ERP44: variants seen among roughly 807,000 people sequenced by gnomAD.
ERP44 encodes the protein endoplasmic reticulum resident protein 44.
Under a neutral mutation model 53.4 loss-of-function variants are expected in ERP44, and 25 were observed. That is an observed-to-expected ratio of 0.47 (90% confidence interval 0.34 to 0.65). The LOEUF is 0.65. Among genes scored for constraint, ERP44 ranks in the 30% least tolerant of loss-of-function variants. The probability of loss-of-function intolerance (pLI) is 0.01; values close to 1 mark genes in which losing one functional copy is unlikely to be tolerated. For missense variants in ERP44, 338 were observed against 493.2 expected (o/e 0.69, Z 2.98); for synonymous variants, 145 against 161.2 (o/e 0.90, Z 0.76).
intron 10 of ERP44, among the ~76,000 whole-genome samples, chr9:100,004,097 AGT>A (rs1212173203): frequency 3.3e-5 from 5 of 151,462 alleles, no homozygotes; most frequent in African/African-American, 1.2e-4. Context: ...AGAGCTTAGG[AGT>A]CTGGCTAGAG....
At chr9:99,997,763 T>G (rs1348774299) in intron 10 of ERP44, among the ~76,000 whole-genome samples, 1 of 152,082 alleles carries the variant, frequency 6.6e-6, no homozygotes, top group Non-Finnish European at 1.5e-5. Flanking sequence ...TTATACAGTG[T>G]GAACTGTTGA....
At chr9:100,056,191 C>A (rs903778587) in intron 3 of ERP44, among the ~76,000 whole-genome samples, 1 of 152,154 alleles carries the variant, frequency 6.6e-6, no homozygotes, top group Non-Finnish European at 1.5e-5. Flanking sequence ...GTACTTCAAT[C>A]CCCTGGATCT....
chr9:100,079,413 TAC>T (rs58110423), intron 1 of ERP44, among the ~76,000 whole-genome samples: 19,570 of 137,050 alleles, frequency 0.14, 1,316 homozygotes, highest in Middle Eastern at 0.2. Context: ...AACTCCCCTT[TAC>T]ACACACACAC....
intron 4 of ERP44, among the ~76,000 whole-genome samples, chr9:100,026,142 A>G (rs1342042334): frequency 6.6e-6 from 1 of 152,216 alleles, no homozygotes; most frequent in Non-Finnish European, 1.5e-5. Flanking sequence ...TGAGAATTAT[A>G]CCTGCATAGG....
chr9:99,992,887 A>C (rs12684341), intron 10 of ERP44, among the ~76,000 whole-genome samples: 40,481 of 152,094 alleles, frequency 0.27, 5,652 homozygotes, highest in South Asian at 0.37. Context: ...ACAGCCAGCC[A>C]AATCATGAGT....
intron 10 of ERP44, among the ~76,000 whole-genome samples, chr9:99,992,122 A>G (rs958411883): frequency 1.3e-5 from 2 of 152,210 alleles, no homozygotes; most frequent in Middle Eastern, 3.2e-3. Flanking sequence ...TTCTGAAACT[A>G]TTCCAATCAA....
intron 1 of ERP44, among the ~76,000 whole-genome samples, chr9:100,066,762 TAAGAG>T (rs1270735610): frequency 6.6e-6 from 1 of 152,172 alleles, no homozygotes; most frequent in Non-Finnish European, 1.5e-5. Flanking sequence ...AGCTCGCAGA[TAAGAG>T]AAGTATAAAG....
chr9:100,057,608 A>T (rs1197222592), intron 3 of ERP44, among the ~76,000 whole-genome samples: 1 of 152,226 alleles, frequency 6.6e-6, no homozygotes, highest in East Asian at 1.9e-4. Context: ...ACTTGTTTTA[A>T]GATATAAGAT....
rs544427282 is a variant in ERP44 at position 99,987,756 on chromosome 9, A to ATTATAATTCTTATAATTC, written c.1017-2688_1017-2687insGAATTATAAGAATTATAA. Among the ~76,000 whole-genome samples, 494 of 152,232 alleles carry ATTATAATTCTTATAATTC rather than the reference A, an allele frequency of 3.2e-3. 2 individuals carry two copies. The highest frequency in any genetic ancestry group is 0.011 in the African/African-American group (465 of 41,516). On this transcript the variant is annotated intron_variant, in intron 10 of 11. Transcript: ENST00000262455. Reference sequence around the variant, plus strand: ...TTTCTAGAAAATCATACAACATGTAATTATAAGAATGGCTTTTTTTTTTCA... The same window carrying ATTATAATTCTTATAATTC: ...TTTCTAGAAAATCATACAACATGTAATTATAATTCTTATAATTCTTATAAGAATGGCTTTTTTTTTTCA...
chr9:100,071,887 C>A (rs1424261019), intron 1 of ERP44, among the ~76,000 whole-genome samples: 2 of 152,140 alleles, frequency 1.3e-5, no homozygotes, highest in Admixed American at 6.5e-5. Flanking sequence ...CGCCATTGCA[C>A]TCTAGCCTGG....
At chr9:100,060,309 C>T (rs555829916) in intron 1 of ERP44, 137 bp from the exon 2 acceptor site, 162 of 986,598 alleles carry the variant, frequency 1.6e-4, no homozygotes, top group Middle Eastern at 7.2e-4. Flanking sequence ...TCTTTATTAT[C>T]TAGTCTAATC....
chr9:99,982,596 A>C lies in ERP44; in HGVS notation c.*16T>G. On this transcript the variant is annotated 3_prime_UTR_variant, in exon 12 of 12. Transcript: ENST00000262455. ...GATGCTGCTGTTGAAAGGCTTACAA[A>C]CTGTTTTTCAAGTTTTTAAAGCTCA... is the stretch of plus-strand genomic sequence containing the variant. 7.1e-7 allele frequency: 1 copy of C among 1,402,500 alleles called. No individual in the cohort carries two copies. The highest frequency in any genetic ancestry group is 9.7e-7 in the Non-Finnish European group (1 of 1,035,522). The allele number at this position is 1,402,500 out of a possible 1,614,324, so 86.9% of individuals were successfully genotyped here. A position where few individuals can be genotyped will look rare whatever the true frequency, so the allele number is the denominator to read the frequency against.
chr9:100,072,192 C>T (rs977150712), intron 1 of ERP44, among the ~76,000 whole-genome samples: 2 of 152,136 alleles, frequency 1.3e-5, no homozygotes, highest in African/African-American at 4.8e-5. Context: ...TTAAGGGTCA[C>T]TAAGGTTGAT....
intron 1 of ERP44, among the ~76,000 whole-genome samples, chr9:100,090,266 T>C (rs1826537021): frequency 6.6e-6 from 1 of 152,222 alleles, no homozygotes; most frequent in Admixed American, 6.5e-5. Flanking sequence ...TTTACTGTAC[T>C]TGGGCCAGAA....
At chr9:100,056,643 T>G (rs1826090731) in intron 3 of ERP44, among the ~76,000 whole-genome samples, 1 of 152,008 alleles carries the variant, frequency 6.6e-6, no homozygotes, top group Non-Finnish European at 1.5e-5. Context: ...CTGAAGAAAA[T>G]GGCATCTAAT....
chr9:100,002,568 C>T (rs1298240892), intron 10 of ERP44, among the ~76,000 whole-genome samples: 1 of 152,150 alleles, frequency 6.6e-6, no homozygotes, highest in Admixed American at 6.5e-5. Flanking sequence ...TCCTTAAAGA[C>T]TTTGAACATA....
chr9:100,050,895 G>C (rs2118705282), intron 4 of ERP44, among the ~76,000 whole-genome samples: 1 of 152,290 alleles, frequency 6.6e-6, no homozygotes, highest in South Asian at 2.1e-4. Flanking sequence ...GTAAGCTTTA[G>C]AGCATAATTT....
chr9:100,005,639 C>T (rs1038727211), intron 10 of ERP44, among the ~76,000 whole-genome samples: 1 of 152,124 alleles, frequency 6.6e-6, no homozygotes, highest in Non-Finnish European at 1.5e-5. Context: ...AAGTGACTTT[C>T]CCAAGGCTGG....
intron 4 of ERP44, among the ~76,000 whole-genome samples, chr9:100,036,000 A>G (rs540014163): frequency 9.8e-5 from 15 of 152,298 alleles, no homozygotes; most frequent in African/African-American, 3.4e-4. Context: ...TTCACAAAGA[A>G]CTAAGAGTTG....
Sources: allele counts gnomAD v4.1 joint callset (sites outside exome capture counted in the v4.1 genomes callset), GRCh38; gene constraint gnomAD v4.1.1; transcripts MANE v1.5; gene names NCBI Gene and HGNC (gene_info 2026-07-23, HGNC 2026-07-21).